KLHL14: variants seen among roughly 807,000 people sequenced by gnomAD.
The protein encoded by KLHL14 is kelch-like protein 14.
KLHL14 carries 22 observed loss-of-function variants against 64.3 expected under a neutral mutation model. The ratio of observed to expected loss-of-function variants is 0.34; its 90% confidence interval spans 0.24 to 0.49. The LOEUF (loss-of-function observed/expected upper bound fraction) is 0.49, where lower values mean the gene tolerates loss of function less well. Ranked by LOEUF, KLHL14 falls within the 20% of genes least tolerant of loss-of-function variation. The pLI is 0.99. For missense variants in KLHL14, 661 were observed against 789.0 expected (o/e 0.84, Z 1.94); for synonymous variants, 322 against 333.4 (o/e 0.97, Z 0.37).
At chr18:32,752,582 T>C (rs1314666150) in intron 2 of KLHL14, among the ~76,000 whole-genome samples, 2 of 152,218 alleles carry the variant, frequency 1.3e-5, no homozygotes, top group African/African-American at 4.8e-5. Flanking sequence ...AGTGTTGTCT[T>C]ATAGAATAGG....
At chr18:32,766,131 T>C (rs2050342590) in intron 2 of KLHL14, among the ~76,000 whole-genome samples, 1 of 152,048 alleles carries the variant, frequency 6.6e-6, no homozygotes, top group Non-Finnish European at 1.5e-5. Flanking sequence ...TAATCTTAAT[T>C]CATTCAACTT....
rs143044789 is a variant in KLHL14, at chr18:32,770,078, G to A, written c.514C>T (p.Leu172Phe). Residue 172 changes from leucine (L) to phenylalanine (F), a missense_variant, in exon 2 of 9, where the codon CTC becomes TTC. Physicochemically the swap from Leu to Phe is conservative, Grantham distance 22 (BLOSUM62 0). This residue lies in a region of KLHL14 where 331 missense variants were observed against 339.0 expected (regional missense o/e 0.98). Transcript: ENST00000359358. The surrounding 1 kb of genome is among the most constrained non-coding windows in gnomAD (Gnocchi z 6.7). Reference sequence around the variant, plus strand: ...TGGTCGTTGAGGAACTGCACGCAGAGCTTGGTGACCTGGGGGATGTGCAGG... The same window carrying A: ...TGGTCGTTGAGGAACTGCACGCAGAACTTGGTGACCTGGGGGATGTGCAGG... Reference protein sequence around the residue: ...KILHIPQVTKLCVQFLNDQIS... With the variant: ...KILHIPQVTKFCVQFLNDQIS... 3.3e-5 allele frequency: 54 copies of A among 1,614,068 alleles called. No homozygotes were observed. Among genetic ancestry groups the A allele is most frequent in the Non-Finnish European group, 4.5e-5 (53 of 1,180,032 alleles).
intron 3 of KLHL14, among the ~76,000 whole-genome samples, chr18:32,704,860 C>T (rs1008800889): frequency 3.4e-4 from 51 of 152,172 alleles, no homozygotes; most frequent in Admixed American, 2.6e-4. Context: ...CCAGAGCCCA[C>T]TGTGTAGACA....
At chr18:32,750,236 T>C (rs906596208) in intron 2 of KLHL14, among the ~76,000 whole-genome samples, 13 of 152,010 alleles carry the variant, frequency 8.6e-5, no homozygotes, top group African/African-American at 2.9e-4. Flanking sequence ...CATAGCAAAA[T>C]AGTTTTGGTT....
At chr18:32,675,174 C>A (rs933306435) in intron 8 of KLHL14, among the ~76,000 whole-genome samples, 5 of 152,000 alleles carry the variant, frequency 3.3e-5, no homozygotes, top group Admixed American at 6.6e-5. Flanking sequence ...GGCAACATAG[C>A]AAGACCTCAT....
intron 3 of KLHL14, among the ~76,000 whole-genome samples, chr18:32,729,206 A>G (rs908445476): frequency 1.3e-5 from 2 of 152,078 alleles, no homozygotes; most frequent in African/African-American, 2.4e-5. Context: ...GGGGTCACCT[A>G]TTTGTTTCCT....
intron 3 of KLHL14, among the ~76,000 whole-genome samples, chr18:32,707,165 A>G (rs1260447304): frequency 1.3e-5 from 2 of 152,260 alleles, no homozygotes; most frequent in Non-Finnish European, 2.9e-5. Flanking sequence ...GACTCACAAC[A>G]GAACTCATAA....
At chr18:32,730,902 A>C (rs1872904710) in intron 3 of KLHL14, among the ~76,000 whole-genome samples, 1 of 152,214 alleles carries the variant, frequency 6.6e-6, no homozygotes, top group Non-Finnish European at 1.5e-5. Context: ...AATAATTAGA[A>C]CACGCTGTGA....
intron 7 of KLHL14, among the ~76,000 whole-genome samples, chr18:32,678,024 C>T (rs2049819802): frequency 6.6e-6 from 1 of 152,128 alleles, no homozygotes; most frequent in Non-Finnish European, 1.5e-5. Flanking sequence ...TGATGTAAAT[C>T]GTTTCTAGTA....
chr18:32,771,996 G>C (rs868085386), intron 1 of KLHL14: 16 of 211,680 alleles, frequency 7.6e-5, no homozygotes, highest in Non-Finnish European at 1.3e-4. Context: ...AGGGCAGGGT[G>C]GGGGAGGCGA....
chr18:32,681,229 C>G (rs976032208), intron 5 of KLHL14, among the ~76,000 whole-genome samples: 1 of 152,068 alleles, frequency 6.6e-6, no homozygotes, highest in Non-Finnish European at 1.5e-5. Flanking sequence ...TATTTTAAAT[C>G]CCTTTTTAAG....
intron 2 of KLHL14, chr18:32,744,222 C>A (rs898384259): frequency 6.6e-6 from 1 of 152,198 alleles, no homozygotes; most frequent in African/African-American, 2.4e-5. Context: ...TGCCTGTAAT[C>A]CCAGCACTTT....
intron 3 of KLHL14, among the ~76,000 whole-genome samples, chr18:32,726,403 C>T (rs2050108360): frequency 6.6e-6 from 1 of 152,086 alleles, no homozygotes; most frequent in African/African-American, 2.4e-5. Flanking sequence ...GTGGGCGGAT[C>T]ACTTAAGGCC....
At chr18:32,687,110 G>GT in intron 5 of KLHL14, 45 bp downstream of exon 5, 1 of 1,512,646 alleles carries the variant, frequency 6.6e-7, no homozygotes, top group African/African-American at 1.4e-5. Context: ...CATGCCTCCT[G>GT]TAAAGCCGTC....
intron 2 of KLHL14, among the ~76,000 whole-genome samples, chr18:32,753,995 C>T (rs1227496061): frequency 6.6e-6 from 1 of 152,242 alleles, no homozygotes; most frequent in Non-Finnish European, 1.5e-5. Context: ...AATCCTCCTG[C>T]CTGCAAGTGG....
At chr18:32,686,284 C>A (rs1309158640) in intron 5 of KLHL14, among the ~76,000 whole-genome samples, 1 of 151,322 alleles carries the variant, frequency 6.6e-6, no homozygotes, top group Non-Finnish European at 1.5e-5. Flanking sequence ...CCACCTCGGC[C>A]TCCCAAAGTG....
chr18:32,771,446 C>A (rs1184340634), intron 1 of KLHL14, among the ~76,000 whole-genome samples: 1 of 152,174 alleles, frequency 6.6e-6, no homozygotes, highest in Non-Finnish European at 1.5e-5. Flanking sequence ...TTCCCCGTCA[C>A]CACTCAGTTT....
intron 3 of KLHL14, among the ~76,000 whole-genome samples, chr18:32,736,443 G>C (rs1483520738): frequency 1.3e-5 from 2 of 152,018 alleles, no homozygotes; most frequent in Non-Finnish European, 2.9e-5. Flanking sequence ...ATTGCTCCAT[G>C]CTCTGAAACA....
At chr18:32,676,530 A>G (rs1221499654) in intron 8 of KLHL14, among the ~76,000 whole-genome samples, 5 of 152,278 alleles carry the variant, frequency 3.3e-5, no homozygotes, top group African/African-American at 1.2e-4. Flanking sequence ...GAGTGTATTT[A>G]CGTAAGTTAA....
Sources: allele counts gnomAD v4.1 joint callset (sites outside exome capture counted in the v4.1 genomes callset), GRCh38; gene constraint gnomAD v4.1.1; regional missense constraint gnomAD v4.1.1; non-coding constraint Gnocchi (gnomAD v3.1); transcripts MANE v1.5; gene names NCBI Gene and HGNC (gene_info 2026-07-23, HGNC 2026-07-21).